PCDHA3: variants seen among roughly 807,000 people sequenced by gnomAD.
PCDHA3 encodes protocadherin alpha 3.
Under a neutral mutation model 62.2 loss-of-function variants are expected in PCDHA3, and 41 were observed. The observed-to-expected ratio is 0.66, with a 90% CI of 0.51 to 0.86. The LOEUF (loss-of-function observed/expected upper bound fraction) is 0.86, where lower values mean the gene tolerates loss of function less well. PCDHA3 is among the 40% of genes least tolerant of loss of function. The pLI, the probability that PCDHA3 is intolerant of heterozygous loss-of-function variation, is 0.00. For missense variants in PCDHA3, 1,304 were observed against 1,241.2 expected, an observed-to-expected ratio of 1.05 and a Z score of -0.76; for synonymous variants, 640 against 555.4, an observed-to-expected ratio of 1.15 and a Z score of -2.14.
intron 1 of PCDHA3, chr5:140,849,883 T>A (rs2150456208): frequency 6.3e-7 from 1 of 1,598,406 alleles, no homozygotes; most frequent in Non-Finnish European, 8.6e-7. Context: ...TACACGGTGT[T>A]CGTGAAGGAG....
At chr5:140,842,098 A>G (rs2150329282) in intron 1 of PCDHA3, 1 of 1,613,922 alleles carries the variant, frequency 6.2e-7, no homozygotes. Flanking sequence ...ACAACGGAAC[A>G]ACAGTTATCA....
chr5:140,986,236 T>C (rs1213371307), intron 3 of PCDHA3, among the ~76,000 whole-genome samples: 1 of 152,170 alleles, frequency 6.6e-6, no homozygotes. Flanking sequence ...CCCCTCTGTG[T>C]GAGCAGACCC....
intron 1 of PCDHA3, chr5:140,822,863 C>G: frequency 6.2e-7 from 1 of 1,614,234 alleles, no homozygotes; most frequent in Non-Finnish European, 8.5e-7. Context: ...GAGGACGCTC[C>G]ACTCAGCACG....
At position 140,803,564 on chromosome 5, in the gene PCDHA3, G is replaced by C; in HGVS notation, c.2367G>C (p.Gln789His). The C allele has an allele frequency of 2.5e-6, 4 of 1,614,200 alleles. No individual in the cohort carries two copies. Among genetic ancestry groups the C allele is most frequent in the Non-Finnish European group, 2.5e-6 (3 of 1,180,038 alleles). The change falls in exon 1 of 4, where the codon CAG becomes CAC. Residue 789 changes from glutamine to histidine, a missense_variant. Transcript: ENST00000522353. ...TTAGCCGGGATAGAGAGGAGAAACA[G>C]GATGTGGACGTTGATCTCTCAGCCA... ...CPISRDREEK[Q>H]DVDVDLSAKP... is the part of the protein sequence containing the mutation.
At chr5:140,856,514 G>A in intron 1 of PCDHA3, 1 of 1,598,422 alleles carries the variant, frequency 6.3e-7, no homozygotes. Context: ...ACTAGAAGGC[G>A]CATCTGATGC....
chr5:140,947,401 G>A (rs1314695904), intron 1 of PCDHA3, among the ~76,000 whole-genome samples: 1 of 151,652 alleles, frequency 6.6e-6, no homozygotes, highest in Non-Finnish European at 1.5e-5. Flanking sequence ...AAAGTAGACT[G>A]TCTTGATATT....
chr5:140,808,850 G>A (rs1377582762), intron 1 of PCDHA3: 4 of 1,613,128 alleles, frequency 2.5e-6, no homozygotes, highest in South Asian at 1.1e-5. Context: ...GCAGGTGTTC[G>A]TGCTGGACGA....
chr5:140,994,988 A>G (rs781915746), intron 3 of PCDHA3, among the ~76,000 whole-genome samples: 3 of 152,166 alleles, frequency 2.0e-5, no homozygotes, highest in Non-Finnish European at 4.4e-5. Flanking sequence ...ACCCACTAGA[A>G]GGTTAGTTGG....
intron 1 of PCDHA3, chr5:140,807,152 CG>C: frequency 6.3e-7 from 1 of 1,579,498 alleles, no homozygotes; most frequent in Non-Finnish European, 8.6e-7. Flanking sequence ...CTTTGAGAAA[CG>C]ATATTTAATC....
chr5:140,995,113 A>T (rs560699104), intron 3 of PCDHA3, among the ~76,000 whole-genome samples: 1 of 152,370 alleles, frequency 6.6e-6, no homozygotes, highest in East Asian at 1.9e-4. Flanking sequence ...CAAGACCCTC[A>T]GTGGATGCCT....
chr5:140,870,447 C>T (rs1554164277), intron 1 of PCDHA3: 15 of 1,614,216 alleles, frequency 9.3e-6, no homozygotes, highest in Non-Finnish European at 9.3e-6. Flanking sequence ...CCGACGTGAA[C>T]GACAATGCGC....
intron 1 of PCDHA3, chr5:140,822,400 T>G (rs1554128617): frequency 2.5e-6 from 4 of 1,613,968 alleles, no homozygotes; most frequent in Non-Finnish European, 3.4e-6. Context: ...AGAACACCGT[T>G]TATTAGTGAT....
In PCDHA3 at chr5:140,834,566, G is replaced by T. The variant is rs149709586; in HGVS notation, c.2394+30975G>T. ...GGCTGGAGCTGGCGGAGCTGGTGCC[G>T]CGCCTGTTCCGGGCGGTGTGCAAAT... is the stretch of plus-strand genomic sequence containing the variant. On this transcript the variant is annotated intron_variant, in intron 1 of 3. Transcript: ENST00000522353. The T allele has an allele frequency of 1.5e-3, 2,437 of 1,614,096 alleles. 37 individuals carry two copies. In the African/African-American group the frequency reaches 0.029, roughly 19 times the overall value.
chr5:140,877,266 C>T, intron 1 of PCDHA3: 1 of 1,613,808 alleles, frequency 6.2e-7, no homozygotes, highest in Non-Finnish European at 8.5e-7. Flanking sequence ...GCGCGGTGGA[C>T]GCTGACTCCG....
chr5:140,989,132 C>T (rs943262599), intron 3 of PCDHA3: 2 of 152,216 alleles, frequency 1.3e-5, no homozygotes, highest in Admixed American at 1.3e-4. Context: ...AAATAAGACA[C>T]TTTATCCCTT....
intron 3 of PCDHA3, among the ~76,000 whole-genome samples, chr5:140,996,315 G>A (rs2097722113): frequency 6.6e-6 from 1 of 152,188 alleles, no homozygotes; most frequent in African/African-American, 2.4e-5. Flanking sequence ...AGTAAGGGGG[G>A]AGGGTAGAGA....
Position 140,968,026 on chromosome 5 carries a change from A to G in PCDHA3, c.2395-10923A>G, listed in dbSNP as rs570318168. 9.3e-6 allele frequency: 15 copies of G among 1,614,066 alleles called. No individual in the cohort carries two copies. In the Admixed American group the frequency reaches 1.8e-4, roughly 20 times the overall value. On this transcript the variant is annotated intron_variant, in intron 1 of 3. Transcript: ENST00000522353. ...TGAATGGCTTTGGAAACTCCTATACACTGGTGGTGAGCGGCCCACTGGACC... is the reference window on the plus strand; with the variant it reads ...TGAATGGCTTTGGAAACTCCTATACGCTGGTGGTGAGCGGCCCACTGGACC...
Position 141,009,646 on chromosome 5 carries a change from G to A in PCDHA3, c.2562G>A (p.Val854=), listed in dbSNP as rs369515881. 16 of 1,613,668 alleles carry A rather than the reference G, an allele frequency of 9.9e-6. No individual in the cohort carries two copies. The highest frequency in any genetic ancestry group is 5.5e-5 in the South Asian group (5 of 91,030). ...TTTCAGAACCAGAGGCAGGAGAAGT[G>A]TCCCCTCCAGTCGGTGCGGGTGTCA... is the stretch of plus-strand genomic sequence containing the variant. ...SATPEPEAGE[V]SPPVGAGVNS... The change falls in exon 4 of 4, where the codon GTG becomes GTA. Residue 854 remains valine, a synonymous_variant. Coordinates refer to ENST00000522353, the MANE Select transcript of PCDHA3 (RefSeq NM_018906.3).
intron 1 of PCDHA3, among the ~76,000 whole-genome samples, chr5:140,940,372 A>G (rs1173605569): frequency 1.3e-5 from 2 of 151,970 alleles, no homozygotes; most frequent in Admixed American, 6.6e-5. Flanking sequence ...GTATTCCTTG[A>G]GTTGTTAATT....
Sources: gnomAD v4.1 joint callset for allele counts (sites outside exome capture counted in the v4.1 genomes callset) on GRCh38, gnomAD v4.1.1 for gene constraint, MANE v1.5 for transcripts, NCBI Gene and HGNC (gene_info 2026-07-23, HGNC 2026-07-21) for gene names.